Variants in FRMPD1 observed in about 807,000 individuals in gnomAD.
FRMPD1 encodes the protein FERM and PDZ domain-containing protein 1.
A neutral mutation model predicts 117.8 loss-of-function variants in FRMPD1; 76 were observed. The observed-to-expected ratio is 0.65, with a 90% confidence interval of 0.54 to 0.78. The LOEUF is 0.78. FRMPD1 is among the 30% of genes least tolerant of loss of function. The probability of loss-of-function intolerance (pLI) is 0.00; values close to 1 mark genes in which losing one functional copy is unlikely to be tolerated. For synonymous variants in FRMPD1, 783 were observed against 770.4 expected (o/e 1.02, Z -0.27); for missense variants, 1,786 against 1,964.5 (o/e 0.91, Z 1.72).
chr9:37,660,022 A>G (rs4878714), intron 1 of FRMPD1, among the ~76,000 whole-genome samples: 94,899 of 150,874 alleles, frequency 0.63, 31,521 homozygotes, highest in African/African-American at 0.86. Flanking sequence ...TGGCCTGGGA[A>G]GTTCTGGACA....
intron 1 of FRMPD1, among the ~76,000 whole-genome samples, chr9:37,665,832 C>A (rs752886634): frequency 1.8e-4 from 28 of 152,096 alleles, no homozygotes; most frequent in Non-Finnish European, 3.4e-4. Flanking sequence ...TTCTGGACCC[C>A]AGCAGCCACA....
upstream of FRMPD1, among the ~76,000 whole-genome samples, chr9:37,647,048 T>C (rs1824152073): frequency 3.3e-5 from 5 of 152,104 alleles, no homozygotes; most frequent in Admixed American, 2.6e-4. Context: ...TTATGGGCTA[T>C]TACATGGTGT....
At chr9:37,603,660 GTTTTGTTTTA>G in the FRMPD1 span, among the ~76,000 whole-genome samples, 686 of 151,004 alleles carry the variant, frequency 4.5e-3, 5 homozygotes, top group African/African-American at 0.015. Flanking sequence ...GTTTTGTTTT[GTTTTGTTTTA>G]TTTTGTTTTG....
the FRMPD1 span, among the ~76,000 whole-genome samples, chr9:37,639,860 C>T: frequency 1.3e-5 from 2 of 152,134 alleles, no homozygotes; most frequent in Middle Eastern, 3.2e-3. Context: ...TGCGTTTTGC[C>T]ATGTTACCCA....
intron 1 of FRMPD1, among the ~76,000 whole-genome samples, chr9:37,659,597 C>G (rs1041703039): frequency 3.3e-4 from 50 of 152,146 alleles, no homozygotes; most frequent in Non-Finnish European, 1.3e-4. Context: ...AGAAGGGACA[C>G]ATAGTGGAAG....
chr9:37,746,043 G>T lies in FRMPD1; in HGVS notation c.4011G>T (p.Gln1337His). 6.2e-7 allele frequency: 1 copy of T among 1,614,236 alleles called. No homozygotes were observed. The highest frequency in any genetic ancestry group is 8.5e-7 in the Non-Finnish European group (1 of 1,180,034). ...PRIGMDQCSC[Q>H]FSYATCFRGP... is the part of the protein sequence containing the mutation. The stretch of plus-strand genomic sequence containing the variant: ...TAGGGATGGACCAGTGCAGCTGTCA[G>T]TTCTCCTATGCCACATGCTTCCGTG... Residue 1337 changes from glutamine (Q) to histidine (H), a missense_variant, in exon 16 of 16, where the codon CAG (glutamine) becomes CAT (histidine). Coordinates refer to ENST00000377765, the MANE Select transcript of FRMPD1 (RefSeq NM_014907.3).
intron 1 of FRMPD1, among the ~76,000 whole-genome samples, chr9:37,685,046 A>C (rs1465596849): frequency 6.6e-6 from 1 of 152,038 alleles, no homozygotes; most frequent in Non-Finnish European, 1.5e-5. Context: ...GAGCCACCGC[A>C]CCCAGCCAAG....
chr9:37,604,120 C>T, the FRMPD1 span, among the ~76,000 whole-genome samples: 2 of 151,966 alleles, frequency 1.3e-5, no homozygotes, highest in African/African-American at 4.8e-5. Context: ...GTTAAGTGTG[C>T]GAATTAAAAT....
intron 5 of FRMPD1, among the ~76,000 whole-genome samples, chr9:37,717,486 TCTC>T (rs1274449566): frequency 2.0e-5 from 3 of 151,342 alleles, no homozygotes; most frequent in Non-Finnish European, 2.9e-5. Flanking sequence ...TTCAAGCAAT[TCTC>T]CTGCTTCAGC....
At chr9:37,606,704 C>G in the FRMPD1 span, among the ~76,000 whole-genome samples, 22,686 of 152,138 alleles carry the variant, frequency 0.15, 2,141 homozygotes, top group Admixed American at 0.21. Flanking sequence ...ACCAGAAAAA[C>G]AGATACAGGA....
chr9:37,684,280 T>G (rs547136549), intron 1 of FRMPD1, among the ~76,000 whole-genome samples: 8 of 152,390 alleles, frequency 5.2e-5, no homozygotes, highest in African/African-American at 1.9e-4. Flanking sequence ...CTGTGTGTGC[T>G]TAGCCAGGTG....
the FRMPD1 span, among the ~76,000 whole-genome samples, chr9:37,605,496 G>T: frequency 1.3e-5 from 2 of 152,228 alleles, no homozygotes; most frequent in African/African-American, 2.4e-5. Flanking sequence ...ACCAGCCCCT[G>T]CTCTGGGCAC....
chr9:37,735,815 T>A, intron 13 of FRMPD1, 81 bp downstream of exon 13: 1 of 883,838 alleles, frequency 1.1e-6, no homozygotes, highest in Non-Finnish European at 1.7e-6. Flanking sequence ...ATATGAATTT[T>A]AAATAATAAT....
intron 1 of FRMPD1, among the ~76,000 whole-genome samples, chr9:37,653,901 C>T (rs887890115): frequency 1.3e-5 from 2 of 152,004 alleles, no homozygotes; most frequent in Non-Finnish European, 2.9e-5. Context: ...CTCGAGACTG[C>T]GGTGAGCTAT....
chr9:37,689,845 G>C (rs1286947606), intron 1 of FRMPD1, among the ~76,000 whole-genome samples: 2 of 152,108 alleles, frequency 1.3e-5, no homozygotes, highest in African/African-American at 4.8e-5. Context: ...ATGGCTCCCA[G>C]CTTCCATTGT....
At position 37,735,578 on chromosome 9, in the gene FRMPD1, C is replaced by T; in HGVS notation, c.1245C>T (p.Ala415=). 2 of 1,613,724 alleles carry T rather than the reference C, an allele frequency of 1.2e-6. No individual in the cohort carries two copies. The highest frequency in any genetic ancestry group is 1.7e-6 in the Non-Finnish European group (2 of 1,179,636). Reference sequence around the variant, plus strand: ...TACAGGATAGAGAATCCTACATTGCCCTTCTAGTTGGAGCCAAGTATGGGA... The same window carrying T: ...TACAGGATAGAGAATCCTACATTGCTCTTCTAGTTGGAGCCAAGTATGGGA... ...LMLQDRESYI[A]LLVGAKYGIS... is the part of the protein sequence containing the mutation. Residue 415 remains alanine, a synonymous_variant, in exon 13 of 16, where the codon GCC becomes GCT. Coordinates refer to ENST00000377765, the MANE Select transcript of FRMPD1 (RefSeq NM_014907.3).
At chr9:37,722,218 A>T (rs1823427675) in intron 6 of FRMPD1, among the ~76,000 whole-genome samples, 1 of 152,116 alleles carries the variant, frequency 6.6e-6, no homozygotes, top group South Asian at 2.1e-4. Flanking sequence ...GGTTTTTTAA[A>T]ATAAGTTATA....
chr9:37,649,919 C>G (rs1051767455), upstream of FRMPD1, among the ~76,000 whole-genome samples: 1 of 152,168 alleles, frequency 6.6e-6, no homozygotes, highest in Non-Finnish European at 1.5e-5. Flanking sequence ...AAGGCTCTCT[C>G]CACACTCCTC....
chr9:37,695,354 T>A (rs1822283318), intron 2 of FRMPD1, among the ~76,000 whole-genome samples: 1 of 152,162 alleles, frequency 6.6e-6, no homozygotes, highest in South Asian at 2.1e-4. Flanking sequence ...TCCTAGTGGG[T>A]GTGGAATGTT....
Sources: allele counts gnomAD v4.1 joint callset (sites outside exome capture counted in the v4.1 genomes callset), GRCh38; gene constraint gnomAD v4.1.1; transcripts MANE v1.5; gene names NCBI Gene and HGNC (gene_info 2026-07-23, HGNC 2026-07-21).